C8A: variants seen among roughly 807,000 people sequenced by gnomAD.
The protein encoded by C8A is complement component C8 alpha chain.
C8A carries 67 observed loss-of-function variants against 65.3 expected under a neutral mutation model. The observed-to-expected ratio is 1.03, with a 90% confidence interval of 0.84 to 1.26. C8A has a LOEUF of 1.26. Ranked by LOEUF, C8A falls within the 50% of genes most tolerant of loss-of-function variation. The pLI is 0.00. For missense variants in C8A, 781 were observed against 723.9 expected (o/e 1.08, Z -0.90); for synonymous variants, 290 against 259.4 (o/e 1.12, Z -1.13).
intron 2 of C8A, among the ~76,000 whole-genome samples, chr1:56,870,581 G>T (rs694090): frequency 0.33 from 49,440 of 151,448 alleles, 8,664 homozygotes; most frequent in South Asian, 0.5. Context: ...GTCTGCAATG[G>T]CCGGCTTTCC....
At chr1:56,910,835 A>T (rs562936329) in intron 9 of C8A, among the ~76,000 whole-genome samples, 163 of 152,306 alleles carry the variant, frequency 1.1e-3, no homozygotes, top group South Asian at 1.7e-3. Context: ...TTTCCAGGGA[A>T]GTGCGACTAC....
At chr1:56,857,438 A>G (rs1043298600) in intron 1 of C8A, among the ~76,000 whole-genome samples, 1 of 152,010 alleles carries the variant, frequency 6.6e-6, no homozygotes, top group Non-Finnish European at 1.5e-5. Context: ...TTTATTATTA[A>G]TACATATAGT....
At chr1:56,914,758 G>A (rs755245193) in intron 10 of C8A, among the ~76,000 whole-genome samples, 3 of 152,052 alleles carry the variant, frequency 2.0e-5, no homozygotes, top group Non-Finnish European at 2.9e-5. Flanking sequence ...TCCTCCTCCC[G>A]GGTTCAAGCG....
intron 10 of C8A, among the ~76,000 whole-genome samples, 179 bp from the exon 11 acceptor site, chr1:56,917,386 G>C (rs768904226): frequency 2.6e-5 from 4 of 152,166 alleles, no homozygotes; most frequent in Non-Finnish European, 5.9e-5. Context: ...ACTAACAAAG[G>C]AGCAAAGACC....
Position 56,867,700 on chromosome 1 carries a change from A to T in C8A, c.169A>T (p.Lys57Ter). 6.2e-7 allele frequency: 1 copy of T among 1,612,580 alleles called. No homozygotes were observed. The highest frequency in any genetic ancestry group is 8.5e-7 in the Non-Finnish European group (1 of 1,178,722). The change falls in exon 2 of 11, where the codon AAG becomes TAG. Residue 57 changes from lysine (K) to a stop codon, truncating the protein, a stop_gained and splice_region_variant. Transcript: ENST00000361249. LOFTEE classifies it high-confidence loss of function. ...WTDCFPCQDKKYRHRSLLQPN... is the reference protein window; with the variant it reads ...WTDCFPCQDK ...AGATTGCTTTCCGTGCCAGGACAAAAAGGTGAGACACTTACAACCGGTTTG... is the reference window on the plus strand; with the variant it reads ...AGATTGCTTTCCGTGCCAGGACAAATAGGTGAGACACTTACAACCGGTTTG...
chr1:56,907,870 C>T, intron 8 of C8A, 86 bp from the exon 9 acceptor site: 1 of 1,477,108 alleles, frequency 6.8e-7, no homozygotes, highest in Non-Finnish European at 9.5e-7. Context: ...TGTAAACTTT[C>T]TTCCAAATCT....
At chr1:56,872,146 A>G (rs778639221) in intron 2 of C8A, among the ~76,000 whole-genome samples, 34 of 152,146 alleles carry the variant, frequency 2.2e-4, no homozygotes, top group Non-Finnish European at 4.4e-4. Context: ...AAGCAGCAAT[A>G]TTTTCTTTCT....
Position 56,885,367 on chromosome 1 carries a change from TA to T in C8A, c.856-559del, listed in dbSNP as rs1557705630. Among the ~76,000 whole-genome samples the T allele has an allele frequency of 1.2e-4, 9 of 74,298 alleles. No homozygotes were observed. In the East Asian group the frequency reaches 3.8e-3, roughly 31 times the overall value. The allele number at this position is 74,298 out of a possible 152,430, so 48.7% of individuals were successfully genotyped here. A position where few individuals can be genotyped will look rare whatever the true frequency, so the allele number is the denominator to read the frequency against. ...ATAAATATATATTTATGTAAATATA[TA>T]TTTATATTTATTTAAATATATATTT... is the stretch of plus-strand genomic sequence containing the variant. On this transcript the variant is annotated intron_variant, in intron 6 of 10. Coordinates refer to ENST00000361249, the MANE Select transcript of C8A (RefSeq NM_000562.3).
intron 7 of C8A, among the ~76,000 whole-genome samples, chr1:56,902,745 T>C (rs1644436363): frequency 6.6e-6 from 1 of 152,216 alleles, no homozygotes; most frequent in African/African-American, 2.4e-5. Context: ...AGGCAGTCTT[T>C]ATCCTTTTGT....
intron 7 of C8A, among the ~76,000 whole-genome samples, chr1:56,896,841 C>T (rs1274859341): frequency 6.6e-6 from 1 of 152,170 alleles, no homozygotes; most frequent in Non-Finnish European, 1.5e-5. Flanking sequence ...GAATAAGCAT[C>T]ACTGGGTTCT....
At chr1:56,900,134 G>A (rs2101283194) in intron 7 of C8A, among the ~76,000 whole-genome samples, 1 of 152,288 alleles carries the variant, frequency 6.6e-6, no homozygotes, top group East Asian at 1.9e-4. Context: ...TTTGTAGAAT[G>A]AGGTAGTCAG....
chr1:56,911,747 A>G (rs1644508605), intron 9 of C8A, among the ~76,000 whole-genome samples: 1 of 152,214 alleles, frequency 6.6e-6, no homozygotes, highest in Non-Finnish European at 1.5e-5. Context: ...TCAGTTGTAA[A>G]TAACTCCCAC....
Position 56,881,512 on chromosome 1 carries a change from G to A in C8A, c.532G>A (p.Glu178Lys), listed in dbSNP as rs1388735640. The A allele has an allele frequency of 2.5e-6, 4 of 1,613,836 alleles. No homozygotes were observed. The South Asian group carries it at 4.4e-5, about 18-fold the overall frequency. ...TGCCAGTTATTATGGGGGCCAGTGT[G>A]AGACGGTATACAATGGGGAATGGAG... ...YDASYYGGQC[E>K]TVYNGEWREL... Residue 178 changes from glutamate to lysine, a missense_variant, in exon 5 of 11, where the codon GAG becomes AAG. By Grantham distance (56) the Glu-to-Lys change is moderately conservative. Coordinates refer to ENST00000361249, the MANE Select transcript of C8A (RefSeq NM_000562.3).
chr1:56,885,684 T>C (rs912419514), intron 6 of C8A, among the ~76,000 whole-genome samples: 1 of 151,246 alleles, frequency 6.6e-6, no homozygotes, highest in African/African-American at 2.4e-5. Context: ...CCCGAGTAGC[T>C]GGGATTACAG....
chr1:56,908,223 T>C (rs868113191), intron 9 of C8A, 110 bp downstream of exon 9: 1 of 1,266,070 alleles, frequency 7.9e-7, no homozygotes, highest in Middle Eastern at 2.5e-4. Flanking sequence ...CAAGATTAAA[T>C]GTAATGGCAC....
chr1:56,874,709 T>G (rs1644180396), intron 2 of C8A, among the ~76,000 whole-genome samples: 2 of 152,174 alleles, frequency 1.3e-5, no homozygotes, highest in Non-Finnish European at 1.5e-5. Flanking sequence ...CCTAGAAATA[T>G]CTTGTCCAGG....
chr1:56,897,364 G>A (rs6697608), intron 7 of C8A, among the ~76,000 whole-genome samples: 3,786 of 152,268 alleles, frequency 0.025, 134 homozygotes, highest in African/African-American at 0.087. Flanking sequence ...GTGAACCTCA[G>A]AGACTTGCAT....
intron 4 of C8A, among the ~76,000 whole-genome samples, chr1:56,879,675 G>T (rs953690225): frequency 2.6e-5 from 4 of 152,178 alleles, no homozygotes; most frequent in Non-Finnish European, 5.9e-5. Context: ...TTCTGCATTT[G>T]CAAAGTTGTC....
chr1:56,886,383 T>G (rs1557706567), intron 7 of C8A, among the ~76,000 whole-genome samples: 2 of 152,216 alleles, frequency 1.3e-5, no homozygotes, highest in Non-Finnish European at 2.9e-5. Flanking sequence ...GAGCTCAGAC[T>G]TGTCTAGCCC....
Sources: gnomAD v4.1 joint callset for allele counts (sites outside exome capture counted in the v4.1 genomes callset) on GRCh38, gnomAD v4.1.1 for gene constraint, MANE v1.5 for transcripts, NCBI Gene and HGNC (gene_info 2026-07-23, HGNC 2026-07-21) for gene names.